ZNF385D: variants seen among roughly 807,000 people sequenced by gnomAD.
The protein encoded by ZNF385D is zinc finger protein 659.
Under a neutral mutation model 35.8 loss-of-function variants are expected in ZNF385D, and 15 were observed. That is an observed-to-expected ratio of 0.42 (90% CI 0.28 to 0.64). ZNF385D has a LOEUF of 0.64. ZNF385D is among the 30% of genes least tolerant of loss of function. The pLI is 0.23. For synonymous variants in ZNF385D, 212 were observed against 186.8 expected, an observed-to-expected ratio of 1.13 and a Z score of -1.10; for missense variants, 474 against 494.6, an observed-to-expected ratio of 0.96 and a Z score of 0.39.
intron 2 of ZNF385D, among the ~76,000 whole-genome samples, chr3:22,257,405 A>C (rs1440784881): frequency 6.6e-6 from 1 of 151,698 alleles, no homozygotes; most frequent in Non-Finnish European, 1.5e-5. Context: ...TGAACCTCTC[A>C]ATTTTTCATA....
intron 3 of ZNF385D, among the ~76,000 whole-genome samples, chr3:21,781,473 G>A (rs758687663): frequency 1.4e-4 from 21 of 152,082 alleles, no homozygotes; most frequent in Non-Finnish European, 1.6e-4. Flanking sequence ...GTGCCAAGAA[G>A]TGTCAAAGTC....
chr3:21,632,261 G>GT (rs2065304308), intron 2 of ZNF385D, among the ~76,000 whole-genome samples: 1 of 152,000 alleles, frequency 6.6e-6, no homozygotes, highest in African/African-American at 2.4e-5. Flanking sequence ...TGGATTTTTG[G>GT]TAAGCATCAT....
At chr3:21,482,721 T>C (rs1000126737) in intron 4 of ZNF385D, among the ~76,000 whole-genome samples, 1 of 152,180 alleles carries the variant, frequency 6.6e-6, no homozygotes, top group African/African-American at 2.4e-5. Flanking sequence ...TTGAATAAAC[T>C]CTTGCATGAG....
At chr3:21,993,542 C>T (rs1695275467) in intron 3 of ZNF385D, among the ~76,000 whole-genome samples, 1 of 152,148 alleles carries the variant, frequency 6.6e-6, no homozygotes, top group Non-Finnish European at 1.5e-5. Flanking sequence ...CAATTTTTCA[C>T]TGTTTGATTA....
At chr3:21,758,862 T>C (rs1410327965) in intron 3 of ZNF385D, among the ~76,000 whole-genome samples, 2 of 150,226 alleles carry the variant, frequency 1.3e-5, no homozygotes, top group African/African-American at 2.4e-5. Flanking sequence ...GTATAATAGA[T>C]ATTATAACCA....
intron 3 of ZNF385D, among the ~76,000 whole-genome samples, chr3:21,857,664 C>G (rs1696801975): frequency 6.6e-6 from 1 of 151,844 alleles, no homozygotes; most frequent in Non-Finnish European, 1.5e-5. Flanking sequence ...AGTCACACAA[C>G]CAGAGGAGCC....
chr3:22,079,772 A>G (rs1300083043), intron 3 of ZNF385D, among the ~76,000 whole-genome samples: 4 of 152,118 alleles, frequency 2.6e-5, no homozygotes, highest in East Asian at 3.9e-4. Flanking sequence ...AGCAAATAGT[A>G]TATCTAATGA....
chr3:21,428,201 A>G (rs1701109430), intron 5 of ZNF385D, among the ~76,000 whole-genome samples: 1 of 152,128 alleles, frequency 6.6e-6, no homozygotes, highest in Admixed American at 6.6e-5. Flanking sequence ...CATTAATAAT[A>G]TAAACATAAT....
At chr3:21,653,028 G>A (rs947432521) in intron 2 of ZNF385D, among the ~76,000 whole-genome samples, 1 of 151,748 alleles carries the variant, frequency 6.6e-6, no homozygotes, top group Non-Finnish European at 1.5e-5. Flanking sequence ...GGACTTGTGT[G>A]GTCTCCCAGT....
intron 2 of ZNF385D, among the ~76,000 whole-genome samples, chr3:22,329,642 T>C (rs184251530): frequency 3.9e-5 from 6 of 152,334 alleles, no homozygotes; most frequent in Admixed American, 3.3e-4. Context: ...CCTCTGATAC[T>C]ATTTGCTAGA....
At chr3:21,719,520 G>T (rs1033971690) in intron 1 of ZNF385D, among the ~76,000 whole-genome samples, 12 of 152,116 alleles carry the variant, frequency 7.9e-5, no homozygotes, top group African/African-American at 2.2e-4. Context: ...TCCTCAAACT[G>T]ATCCTTTGCT....
At chr3:21,849,935 G>C (rs1192576646) in intron 3 of ZNF385D, among the ~76,000 whole-genome samples, 1 of 151,754 alleles carries the variant, frequency 6.6e-6, no homozygotes, top group East Asian at 1.9e-4. Flanking sequence ...GTAGGGATAG[G>C]GTCTCACTAT....
intron 2 of ZNF385D, among the ~76,000 whole-genome samples, chr3:22,281,769 A>T (rs1266263288): frequency 1.3e-5 from 2 of 151,948 alleles, no homozygotes. Flanking sequence ...ATGATTTAGG[A>T]AGGATTCCCT....
chr3:21,707,435 C>T (rs188362688), intron 1 of ZNF385D, among the ~76,000 whole-genome samples: 42 of 152,240 alleles, frequency 2.8e-4, no homozygotes, highest in East Asian at 1.9e-4. Flanking sequence ...GCTTAAAATT[C>T]GAAGCAATTG....
At chr3:22,317,414 C>A (rs980486824) in intron 2 of ZNF385D, among the ~76,000 whole-genome samples, 2 of 151,146 alleles carry the variant, frequency 1.3e-5, no homozygotes, top group Non-Finnish European at 2.9e-5. Flanking sequence ...ATAAAAGAGA[C>A]TGGGAGTCAT....
At chr3:21,519,168 T>A (rs1019936212) in intron 3 of ZNF385D, among the ~76,000 whole-genome samples, 23 of 152,106 alleles carry the variant, frequency 1.5e-4, no homozygotes, top group African/African-American at 4.6e-4. Flanking sequence ...GTGATTCTCA[T>A]ACACCACCAC....
Position 21,714,923 on chromosome 3 carries a change from TCA to T in ZNF385D, c.22+35970_22+35971del, listed in dbSNP as rs2068253160. ...AAAATGTAACAGATGAACGTATACA[TCA>T]TCTCACATAGTTACCCTCTGCCCGA... is the stretch of plus-strand genomic sequence containing the variant. On this transcript the variant is annotated intron_variant, in intron 1 of 7. Coordinates refer to ENST00000281523, the MANE Select transcript of ZNF385D (RefSeq NM_024697.3). 1.2e-4 allele frequency among the ~76,000 whole-genome samples: 18 copies of T among 152,300 alleles called. No homozygotes were observed. The South Asian group carries it at 3.1e-3, about 26-fold the overall frequency.
At chr3:21,826,249 G>A (rs1694616258) in intron 3 of ZNF385D, among the ~76,000 whole-genome samples, 1 of 152,168 alleles carries the variant, frequency 6.6e-6, no homozygotes, top group Admixed American at 6.5e-5. Flanking sequence ...TTAGAATATG[G>A]GAGAGGGGAA....
At position 21,501,110 on chromosome 3, in the gene ZNF385D, G is replaced by A. The variant is rs376126403; in HGVS notation, c.439+9751C>T. On this transcript the variant is annotated intron_variant, in intron 4 of 7. Coordinates refer to ENST00000281523, the MANE Select transcript of ZNF385D (RefSeq NM_024697.3). Reference sequence around the variant, plus strand: ...ATGCCTGGTTAAACCAATCCCACAAGCCCTGTGCCAAGCAGACACCGCTTC... The same window carrying A: ...ATGCCTGGTTAAACCAATCCCACAAACCCTGTGCCAAGCAGACACCGCTTC... Among the ~76,000 whole-genome samples the A allele has an allele frequency of 1.6e-4, 24 of 152,226 alleles. 1 individual carries two copies. The South Asian group carries it at 4.1e-3, about 26-fold the overall frequency.
Sources: gnomAD v4.1 joint callset for allele counts (sites outside exome capture counted in the v4.1 genomes callset) on GRCh38, gnomAD v4.1.1 for gene constraint, MANE v1.5 for transcripts, NCBI Gene and HGNC (gene_info 2026-07-23, HGNC 2026-07-21) for gene names.